Variants in RABGEF1 observed in about 807,000 individuals in gnomAD.
RABGEF1 encodes rab5 GDP/GTP exchange factor.
RABGEF1 carries 26 observed loss-of-function variants against 57.3 expected under a neutral mutation model. The ratio of observed to expected loss-of-function variants is 0.45; its 90% CI spans 0.33 to 0.63. RABGEF1 has a LOEUF of 0.63. RABGEF1 is among the 20% of genes least tolerant of loss of function. RABGEF1 has a pLI of 0.02. For synonymous variants in RABGEF1, 185 were observed against 210.7 expected, an observed-to-expected ratio of 0.88 and a Z score of 1.06; for missense variants, 464 against 607.6, an observed-to-expected ratio of 0.76 and a Z score of 2.48.
intron 3 of RABGEF1, among the ~76,000 whole-genome samples, chr7:66,777,145 G>T (rs1398639718): frequency 6.6e-6 from 1 of 152,184 alleles, no homozygotes; most frequent in African/African-American, 2.4e-5. Flanking sequence ...GAGCACAAGG[G>T]CATTTGCTAT....
chr7:66,796,030 G>T (rs1350150030), intron 5 of RABGEF1, among the ~76,000 whole-genome samples: 1 of 152,140 alleles, frequency 6.6e-6, no homozygotes, highest in African/African-American at 2.4e-5. Flanking sequence ...CCAGCTACTC[G>T]GGAGGCCGAG....
chr7:66,797,616 A>G (rs1286803112), intron 6 of RABGEF1, 110 bp downstream of exon 6: 1 of 1,210,514 alleles, frequency 8.3e-7, no homozygotes, highest in Non-Finnish European at 1.2e-6. Context: ...GCAATAGCTC[A>G]TGTTCCTGCT....
the RABGEF1 span, chr7:66,667,317 G>C: frequency 6.6e-6 from 1 of 152,404 alleles, no homozygotes; most frequent in Non-Finnish European, 1.5e-5. Flanking sequence ...GCTGGGGGCT[G>C]TGCACAGCCA....
At chr7:66,801,868 A>G (rs1274073042) in intron 7 of RABGEF1, among the ~76,000 whole-genome samples, 1 of 152,164 alleles carries the variant, frequency 6.6e-6, no homozygotes, top group Non-Finnish European at 1.5e-5. Context: ...GGTCCCCCGG[A>G]GACATTGGAC....
the RABGEF1 span, among the ~76,000 whole-genome samples, chr7:66,674,134 G>A: frequency 1.3e-5 from 2 of 151,368 alleles, no homozygotes; most frequent in Admixed American, 6.6e-5. Flanking sequence ...CCCTATGACT[G>A]AACTATTCTA....
At chr7:66,754,788 T>A (rs1802309799) in intron 1 of RABGEF1, among the ~76,000 whole-genome samples, 2 of 152,210 alleles carry the variant, frequency 1.3e-5, no homozygotes, top group South Asian at 2.1e-4. Context: ...AGTGTGGGCG[T>A]GTGTGTATGT....
At chr7:66,702,393 G>A (rs968216137) in intron 1 of RABGEF1, among the ~76,000 whole-genome samples, 2 of 147,928 alleles carry the variant, frequency 1.4e-5, no homozygotes, top group African/African-American at 5.0e-5. Context: ...GTGTGTGTCA[G>A]CTCCTTTAGG....
chr7:66,705,443 A>AGAGAGAG (rs1554307044), intron 1 of RABGEF1, among the ~76,000 whole-genome samples: 1 of 66,372 alleles, frequency 1.5e-5, no homozygotes, highest in African/African-American at 7.6e-5. Flanking sequence ...TCTCGAAAGA[A>AGAGAGAG]AGAGAGAGAG....
intron 1 of RABGEF1, among the ~76,000 whole-genome samples, chr7:66,706,063 C>T (rs1014607515): frequency 6.0e-5 from 9 of 150,440 alleles, no homozygotes; most frequent in African/African-American, 1.7e-4. Flanking sequence ...CCACCGCGCC[C>T]GGCTAATTTT....
intron 1 of RABGEF1, among the ~76,000 whole-genome samples, chr7:66,745,378 C>A (rs1799963502): frequency 6.6e-6 from 1 of 152,100 alleles, no homozygotes; most frequent in African/African-American, 2.4e-5. Context: ...GATGACCTAT[C>A]CCTCAAATGT....
intron 1 of RABGEF1, among the ~76,000 whole-genome samples, chr7:66,770,866 G>A (rs944324397): frequency 6.6e-6 from 1 of 152,166 alleles, no homozygotes; most frequent in African/African-American, 2.4e-5. Context: ...TTTCCCTGAT[G>A]ATTAGTGATG....
At chr7:66,756,103 G>T in intron 1 of RABGEF1, 2 of 1,356,954 alleles carry the variant, frequency 1.5e-6, no homozygotes, top group Non-Finnish European at 9.8e-7. Flanking sequence ...TATATAAGAA[G>T]AATATCTATA....
At chr7:66,778,675 G>A (rs955483061) in intron 3 of RABGEF1, among the ~76,000 whole-genome samples, 3 of 152,076 alleles carry the variant, frequency 2.0e-5, no homozygotes, top group African/African-American at 4.8e-5. Flanking sequence ...AGTGAATCAG[G>A]GCTTCTTGGA....
At chr7:66,723,160 G>C (rs780092625) in intron 2 of RABGEF1, among the ~76,000 whole-genome samples, 7 of 151,950 alleles carry the variant, frequency 4.6e-5, no homozygotes, top group Admixed American at 1.3e-4. Flanking sequence ...GTAGAGACGG[G>C]GTTTCACCAT....
intron 2 of RABGEF1, among the ~76,000 whole-genome samples, chr7:66,729,880 C>G (rs1169861994): frequency 1.3e-5 from 2 of 152,244 alleles, no homozygotes; most frequent in Non-Finnish European, 2.9e-5. Flanking sequence ...GAGGTCTGTG[C>G]TGACTGGCTT....
upstream of RABGEF1, among the ~76,000 whole-genome samples, chr7:66,681,363 T>G (rs542632349): frequency 6.6e-6 from 1 of 151,762 alleles, no homozygotes; most frequent in South Asian, 2.1e-4. Flanking sequence ...TGACACTGGT[T>G]AATTATTTCA....
chr7:66,765,488 A>G (rs1397877554), intron 1 of RABGEF1, among the ~76,000 whole-genome samples: 3 of 152,070 alleles, frequency 2.0e-5, no homozygotes, highest in Non-Finnish European at 4.4e-5. Flanking sequence ...AAAAAACGAC[A>G]AAAGTAGTTA....
chr7:66,704,670 G>A (rs1347814369), intron 1 of RABGEF1, among the ~76,000 whole-genome samples: 1 of 152,104 alleles, frequency 6.6e-6, no homozygotes. Context: ...AATTAGCCGG[G>A]CGTGGTGGTG....
the RABGEF1 span, among the ~76,000 whole-genome samples, chr7:66,662,288 G>A: frequency 4.6e-5 from 7 of 151,302 alleles, no homozygotes; most frequent in Admixed American, 1.3e-4. Context: ...GCAACATAGC[G>A]AAACCCCATC....
Sources: gnomAD v4.1 joint callset for allele counts (sites outside exome capture counted in the v4.1 genomes callset) on GRCh38, gnomAD v4.1.1 for gene constraint, MANE v1.5 for transcripts, NCBI Gene and HGNC (gene_info 2026-07-23, HGNC 2026-07-21) for gene names.